EDARADD: variants seen among roughly 807,000 people sequenced by gnomAD.
EDARADD encodes ectodysplasin-A receptor-associated adapter protein.
Under a neutral mutation model 25.6 loss-of-function variants are expected in EDARADD, and 20 were observed. That is an observed-to-expected ratio of 0.78 (90% CI 0.55 to 1.14). The LOEUF (loss-of-function observed/expected upper bound fraction) is 1.14, where lower values mean the gene tolerates loss of function less well. Among genes scored for constraint, EDARADD ranks in the 50% most tolerant of loss-of-function variants. EDARADD has a pLI of 0.00. For missense variants in EDARADD, 225 were observed against 270.1 expected (o/e 0.83, Z 1.17); for synonymous variants, 86 against 94.4 (o/e 0.91, Z 0.52).
intron 4 of EDARADD, among the ~76,000 whole-genome samples, chr1:236,429,383 T>A (rs1658034728): frequency 6.6e-6 from 1 of 151,124 alleles, no homozygotes; most frequent in African/African-American, 2.4e-5. Flanking sequence ...CTTTATTTAT[T>A]TATTTATTTT....
At chr1:236,376,222 A>G (rs1315584123) in intron 3 of EDARADD, among the ~76,000 whole-genome samples, 8 of 152,176 alleles carry the variant, frequency 5.3e-5, no homozygotes, top group Non-Finnish European at 1.2e-4. Context: ...GGAGTGAGCC[A>G]CCATGCCCGG....
In EDARADD at chr1:236,394,459, G is replaced by A. The variant is rs780639273; in HGVS notation, c.15G>A (p.Thr5=). The change falls in exon 1 of 6, where the codon ACG becomes ACA. Residue 5 remains threonine (T), a synonymous_variant. Coordinates refer to ENST00000334232, the MANE Select transcript of EDARADD (RefSeq NM_145861.4). ...TCAACATCGCCATGGGCCTCAGGAC[G>A]ACTAAACAGATGGGGAGAGGCACTA... MGLR[T]TKQMGRGTKA... is the part of the protein sequence containing the mutation. 47 of 1,613,970 alleles carry A rather than the reference G, an allele frequency of 2.9e-5. No homozygotes were observed. Among genetic ancestry groups the A allele is most frequent in the Non-Finnish European group, 3.6e-5 (43 of 1,180,008 alleles).
intron 3 of EDARADD, among the ~76,000 whole-genome samples, chr1:236,372,451 C>T (rs1667183712): frequency 6.6e-6 from 1 of 152,114 alleles, no homozygotes; most frequent in South Asian, 2.1e-4. Flanking sequence ...TCTTTATATA[C>T]ATTGTTGAAT....
intron 4 of EDARADD, among the ~76,000 whole-genome samples, chr1:236,467,254 C>T (rs1659222132): frequency 6.6e-6 from 1 of 150,878 alleles, no homozygotes. Context: ...GTTCTAAAGC[C>T]CAGGGCTTCT....
intron 3 of EDARADD, among the ~76,000 whole-genome samples, chr1:236,375,141 T>G (rs1284905813): frequency 1.3e-5 from 2 of 152,088 alleles, no homozygotes; most frequent in East Asian, 3.9e-4. Flanking sequence ...CTAATACAAA[T>G]CCACTTTCAA....
chr1:236,437,315 A>G (rs750406788), intron 4 of EDARADD, among the ~76,000 whole-genome samples: 10 of 152,272 alleles, frequency 6.6e-5, no homozygotes, highest in Admixed American at 1.3e-4. Context: ...TTTCCTGTAA[A>G]CACTACTTTG....
intron 4 of EDARADD, among the ~76,000 whole-genome samples, chr1:236,454,472 G>A (rs1658802242): frequency 6.6e-6 from 1 of 152,272 alleles, no homozygotes; most frequent in South Asian, 2.1e-4. Flanking sequence ...CTGTCATTCA[G>A]AGACCAGGGC....
chr1:236,424,861 G>T (rs921190309), intron 3 of EDARADD, among the ~76,000 whole-genome samples: 20 of 152,138 alleles, frequency 1.3e-4, no homozygotes, highest in African/African-American at 4.6e-4. Flanking sequence ...TGCCATGAGG[G>T]TTTTCCTTAA....
At chr1:236,467,551 A>G (rs1040568759) in intron 4 of EDARADD, among the ~76,000 whole-genome samples, 9 of 152,048 alleles carry the variant, frequency 5.9e-5, no homozygotes, top group Non-Finnish European at 1.0e-4. Context: ...GGGCAGAAGC[A>G]TGATTGCCTC....
intron 1 of EDARADD, among the ~76,000 whole-genome samples, chr1:236,405,866 C>CTTTCT (rs1667716116): frequency 4.9e-5 from 2 of 40,820 alleles, no homozygotes; most frequent in East Asian, 9.1e-4. Context: ...TCCTTCCTTC[C>CTTTCT]TTCCTTCCTT....
At chr1:236,399,135 A>G (rs887855837) in intron 1 of EDARADD, among the ~76,000 whole-genome samples, 5 of 152,254 alleles carry the variant, frequency 3.3e-5, no homozygotes, top group African/African-American at 1.2e-4. Context: ...TGCATATAAC[A>G]AAAGTATGTA....
chr1:236,445,231 A>ATTATTTTTTTTTTTTTTTTT (rs1415805260), intron 4 of EDARADD, among the ~76,000 whole-genome samples: 1 of 47,298 alleles, frequency 2.1e-5, no homozygotes, highest in Admixed American at 2.0e-4. Flanking sequence ...GACATAATAA[A>ATTATTTTTTTTTTTTTTTTT]TTCTTTTTTT....
At chr1:236,447,176 C>CTTTG (rs1303908454) in intron 4 of EDARADD, among the ~76,000 whole-genome samples, 6 of 76,098 alleles carry the variant, frequency 7.9e-5, no homozygotes, top group African/African-American at 4.3e-4. Flanking sequence ...CTCCCTCTTT[C>CTTTG]TTTCTTTCTT....
rs747953067 is a variant in EDARADD, at chr1:236,468,224, T to C, written c.220-7T>C. 1.2e-6 allele frequency: 2 copies of C among 1,613,402 alleles called. No homozygotes were observed. The highest frequency in any genetic ancestry group is 1.7e-5 in the Admixed American group (1 of 59,982). ...GATTTTAATGAAGGTTGCTTTTTGGTTTTTAGGGAGAAGAAAATGGCTTTC... is the reference window on the plus strand; with the variant it reads ...GATTTTAATGAAGGTTGCTTTTTGGCTTTTAGGGAGAAGAAAATGGCTTTC... On this transcript the variant is annotated splice_region_variant and splice_polypyrimidine_tract_variant and intron_variant, in intron 4 of 5. Transcript: ENST00000334232.
chr1:236,467,670 A>G (rs1474995013), intron 4 of EDARADD, among the ~76,000 whole-genome samples: 1 of 152,226 alleles, frequency 6.6e-6, no homozygotes, highest in Non-Finnish European at 1.5e-5. Context: ...ACAGACAACA[A>G]GCCCTGACAG....
chr1:236,400,244 C>G (rs1303654303), intron 1 of EDARADD, among the ~76,000 whole-genome samples: 3 of 152,160 alleles, frequency 2.0e-5, no homozygotes, highest in African/African-American at 7.2e-5. Context: ...TGAGCTTTAT[C>G]TCTTTGTTTG....
intron 3 of EDARADD, among the ~76,000 whole-genome samples, chr1:236,379,596 C>T (rs143518814): frequency 0.04 from 6,080 of 151,796 alleles, 149 homozygotes; most frequent in African/African-American, 0.068. Flanking sequence ...CTGGCCAACA[C>T]GGCGAAACAC....
chr1:236,467,449 C>CCAT (rs1553270581), intron 4 of EDARADD, among the ~76,000 whole-genome samples: 1 of 151,454 alleles, frequency 6.6e-6, no homozygotes, highest in Non-Finnish European at 1.5e-5. Flanking sequence ...CACACACACA[C>CCAT]ACACACATAC....
chr1:236,414,143 G>T, intron 2 of EDARADD, 117 bp from the exon 3 acceptor site: 2 of 864,408 alleles, frequency 2.3e-6, no homozygotes, highest in South Asian at 1.4e-5. Flanking sequence ...TAAGTTTGAG[G>T]TTAAACATTT....
Sources: gnomAD v4.1 joint callset for allele counts (sites outside exome capture counted in the v4.1 genomes callset) on GRCh38, gnomAD v4.1.1 for gene constraint, MANE v1.5 for transcripts, NCBI Gene and HGNC (gene_info 2026-07-23, HGNC 2026-07-21) for gene names.